RYR2: variants seen among roughly 807,000 people sequenced by gnomAD.
The protein encoded by RYR2 is ryanodine receptor 2, also known as cardiac muscle ryanodine receptor-calcium release channel.
In RYR2, 227 loss-of-function variants were observed where a neutral mutation model predicts 601.1. The ratio of observed to expected loss-of-function variants is 0.38; its 90% CI spans 0.34 to 0.42. The LOEUF (loss-of-function observed/expected upper bound fraction) is 0.42. RYR2 is among the 10% of genes least tolerant of loss of function. The pLI, the probability that RYR2 is intolerant of heterozygous loss-of-function variation, is 1.00. For missense variants in RYR2, 4,646 were observed against 6,156.5 expected, an observed-to-expected ratio of 0.75 and a Z score of 8.21; for synonymous variants, 2,223 against 2,175.1, an observed-to-expected ratio of 1.02 and a Z score of -0.61.
intron 1 of RYR2, among the ~76,000 whole-genome samples, chr1:237,252,688 A>G (rs1245975477): frequency 6.6e-6 from 1 of 152,210 alleles, no homozygotes; most frequent in Non-Finnish European, 1.5e-5. Context: ...GTACTTTGTT[A>G]AAATTATATT....
At chr1:237,237,303 G>A (rs1685648304) in intron 1 of RYR2, among the ~76,000 whole-genome samples, 1 of 152,154 alleles carries the variant, frequency 6.6e-6, no homozygotes, top group Non-Finnish European at 1.5e-5. Context: ...ATTTACTACA[G>A]TGTTCCTTGA....
intron 80 of RYR2, among the ~76,000 whole-genome samples, chr1:237,753,447 C>T (rs1438639692): frequency 6.6e-6 from 1 of 152,112 alleles, no homozygotes; most frequent in Non-Finnish European, 1.5e-5. Flanking sequence ...TCAGTTATAA[C>T]CAAAAGCAAA....
intron 26 of RYR2, among the ~76,000 whole-genome samples, chr1:237,549,628 CTTTTTT>C (rs57579159): frequency 1.0e-4 from 8 of 77,710 alleles, no homozygotes; most frequent in Non-Finnish European, 1.9e-4. Flanking sequence ...CCATAGCTTT[CTTTTTT>C]TTTTTTTTTT....
At chr1:237,266,621 A>G (rs1689086276) in intron 1 of RYR2, among the ~76,000 whole-genome samples, 1 of 152,180 alleles carries the variant, frequency 6.6e-6, no homozygotes. Context: ...TGTTCAGTAT[A>G]TTTTACTTTC....
intron 40 of RYR2, among the ~76,000 whole-genome samples, chr1:237,626,580 CTT>C (rs60885998): frequency 8.0e-3 from 320 of 39,944 alleles, no homozygotes; most frequent in African/African-American, 0.029. Context: ...TTTTCTTTTT[CTT>C]TTTTTTTTTT....
At chr1:237,578,101 C>T (rs1197688358) in intron 29 of RYR2, among the ~76,000 whole-genome samples, 1 of 152,116 alleles carries the variant, frequency 6.6e-6, no homozygotes, top group Non-Finnish European at 1.5e-5. Context: ...TGAGCCACCA[C>T]ACCTGTTCTG....
chr1:237,334,334 A>G (rs1697040083), intron 3 of RYR2, among the ~76,000 whole-genome samples: 1 of 151,998 alleles, frequency 6.6e-6, no homozygotes, highest in South Asian at 2.1e-4. Flanking sequence ...TTCCCTAAAA[A>G]GTTGCTTATT....
At chr1:237,216,376 T>C (rs1056118549) in intron 1 of RYR2, among the ~76,000 whole-genome samples, 1 of 152,186 alleles carries the variant, frequency 6.6e-6, no homozygotes, top group African/African-American at 2.4e-5. Flanking sequence ...TCATGAATTT[T>C]ATTAAATCTT....
intron 80 of RYR2, among the ~76,000 whole-genome samples, chr1:237,753,673 AC>A (rs1427287789): frequency 6.6e-6 from 1 of 152,146 alleles, no homozygotes; most frequent in Non-Finnish European, 1.5e-5. Flanking sequence ...CCTTGAAATA[AC>A]CTTGAAATAA....
At chr1:237,792,398 C>CATGTGT (rs1208052252) in intron 94 of RYR2, 75 bp downstream of exon 94, 15 of 489,972 alleles carry the variant, frequency 3.1e-5, no homozygotes, top group East Asian at 3.0e-4. Flanking sequence ...TGTGTGTGTG[C>CATGTGT]GTGTGTGTGT....
chr1:237,419,755 G>C (rs1488879185), intron 11 of RYR2, among the ~76,000 whole-genome samples: 1 of 152,116 alleles, frequency 6.6e-6, no homozygotes, highest in Non-Finnish European at 1.5e-5. Context: ...ATTTTAAGAA[G>C]TTTTTCAGAT....
intron 1 of RYR2, among the ~76,000 whole-genome samples, chr1:237,143,429 T>C (rs1438489019): frequency 6.6e-6 from 1 of 152,204 alleles, no homozygotes; most frequent in South Asian, 2.1e-4. Context: ...AACTCAACTT[T>C]GGAGGAGATT....
intron 12 of RYR2, among the ~76,000 whole-genome samples, chr1:237,437,154 C>T (rs1707478048): frequency 6.6e-6 from 1 of 151,924 alleles, no homozygotes; most frequent in African/African-American, 2.4e-5. Flanking sequence ...ACGCCATTCT[C>T]CTGCCTCAGC....
At chr1:237,265,845 T>C (rs1463248527) in intron 1 of RYR2, among the ~76,000 whole-genome samples, 1 of 152,166 alleles carries the variant, frequency 6.6e-6, no homozygotes, top group Non-Finnish European at 1.5e-5. Flanking sequence ...ATTGGAAAAG[T>C]GTTGATGGAG....
chr1:237,383,766 A>T (rs928036462), intron 8 of RYR2, among the ~76,000 whole-genome samples: 12 of 152,000 alleles, frequency 7.9e-5, no homozygotes, highest in Non-Finnish European at 1.2e-4. Flanking sequence ...TCCTCTGAAG[A>T]TTCATGTGCC....
intron 19 of RYR2, 104 bp from the exon 20 acceptor site, chr1:237,496,407 C>T (rs1438629279): frequency 1.3e-6 from 2 of 1,488,690 alleles, no homozygotes; most frequent in Non-Finnish European, 9.1e-7. Flanking sequence ...GACTCTGTCT[C>T]AATAAAATTA....
At chr1:237,144,054 G>A (rs942390575) in intron 1 of RYR2, among the ~76,000 whole-genome samples, 7 of 151,876 alleles carry the variant, frequency 4.6e-5, no homozygotes, top group South Asian at 2.1e-4. Context: ...GCTTGAACCC[G>A]GGAAGTGGAA....
intron 10 of RYR2, among the ~76,000 whole-genome samples, chr1:237,396,322 ACT>A (rs1349186298): frequency 6.6e-6 from 1 of 152,154 alleles, no homozygotes; most frequent in African/African-American, 2.4e-5. Flanking sequence ...CAAGTGAGTA[ACT>A]CTACATACGG....
At chr1:237,265,652 G>C (rs902198312) in intron 1 of RYR2, among the ~76,000 whole-genome samples, 1 of 152,134 alleles carries the variant, frequency 6.6e-6, no homozygotes, top group Non-Finnish European at 1.5e-5. Flanking sequence ...TTTATCTTTA[G>C]AGCAATTGGA....
Sources: allele counts gnomAD v4.1 joint callset (sites outside exome capture counted in the v4.1 genomes callset), GRCh38; gene constraint gnomAD v4.1.1; transcripts MANE v1.5; gene names NCBI Gene and HGNC (gene_info 2026-07-23, HGNC 2026-07-21).